NIF3L1: variants seen among roughly 807,000 people sequenced by gnomAD.
The protein encoded by NIF3L1 is NGG1 interacting factor 3 like 1.
In NIF3L1, 26 loss-of-function variants were observed where a neutral mutation model predicts 35.0. The ratio of observed to expected loss-of-function variants is 0.74; its 90% confidence interval spans 0.54 to 1.03. The LOEUF (loss-of-function observed/expected upper bound fraction) is 1.03. Among genes scored for constraint, NIF3L1 ranks in the 50% least tolerant of loss-of-function variants. The pLI, the probability that NIF3L1 is intolerant of heterozygous loss-of-function variation, is 0.00. For missense variants in NIF3L1, 449 were observed against 466.3 expected (o/e 0.96, Z 0.34); for synonymous variants, 157 against 178.9 (o/e 0.88, Z 0.98).
intron 6 of NIF3L1, among the ~76,000 whole-genome samples, chr2:200,902,779 A>C (rs1181527859): frequency 6.6e-6 from 1 of 152,226 alleles, no homozygotes; most frequent in Non-Finnish European, 1.5e-5. Context: ...ACAAAGCATA[A>C]GTCTGCTGGG....
rs188503864 is a variant in NIF3L1 at position 200,890,066 on chromosome 2, G to A, written c.-27+414G>A. On this transcript the variant is annotated intron_variant, in intron 1 of 6. Transcript: ENST00000409020. ...TGGAGTACTATGAGGACCATTAGAA[G>A]ATCTTTCAAGGCCGGACGCAGTGGC... 1.5e-4 allele frequency among the ~76,000 whole-genome samples: 23 copies of A among 152,270 alleles called. 1 individual carries two copies. The highest frequency in any genetic ancestry group is 5.3e-4 in the African/African-American group (22 of 41,570).
intron 4 of NIF3L1, among the ~76,000 whole-genome samples, chr2:200,895,830 CTT>C (rs1262660587): frequency 1.3e-5 from 2 of 152,080 alleles, no homozygotes; most frequent in African/African-American, 4.8e-5. Flanking sequence ...TGATTTCTAT[CTT>C]TACTTTTTGG....
chr2:200,890,954 CTTTTT>C (rs58191528), intron 1 of NIF3L1, among the ~76,000 whole-genome samples: 1 of 137,024 alleles, frequency 7.3e-6, no homozygotes, highest in Admixed American at 7.4e-5. Context: ...TTTAAACATT[CTTTTT>C]TTTTTTTTTT....
In NIF3L1 at chr2:200,892,074, C is replaced by T. The variant is rs144466763; in HGVS notation, c.131C>T (p.Ser44Leu). The T allele has an allele frequency of 4.8e-4, 777 of 1,614,192 alleles. 2 individuals are homozygous for T. The East Asian group carries it at 7.3e-3, about 15-fold the overall frequency. ...TCCTTGAATGACTTTGCATCCCTCT[C>T]GTTTGCTGAGAGTTGGGACAATGTT... ...LSSLNDFASL[S>L]FAESWDNVGL... The change falls in exon 2 of 7, where the codon TCG becomes TTG. Residue 44 changes from serine (S) to leucine (L), a missense_variant. By Grantham distance (145) the Ser-to-Leu change is moderately radical. Coordinates refer to ENST00000409020, the MANE Select transcript of NIF3L1 (RefSeq NM_001369441.2).
chr2:200,893,903 G>A (rs1205841930), intron 3 of NIF3L1, among the ~76,000 whole-genome samples: 1 of 151,966 alleles, frequency 6.6e-6, no homozygotes, highest in Admixed American at 6.6e-5. Flanking sequence ...GGCTGGGCAC[G>A]GTGGCTCACA....
Position 200,895,381 on chromosome 2 carries a change from A to G in NIF3L1, c.717A>G (p.Ser239=). The change falls in exon 4 of 7, where the codon TCA becomes TCG. Residue 239 remains serine, a synonymous_variant. Transcript: ENST00000409020. The part of the protein sequence containing the change: ...KQLYQKTEIL[S]LEKPLLLHTG... The stretch of plus-strand genomic sequence containing the variant: ...TTTATCAGAAGACGGAAATTCTGTC[A>G]CTGGAGAAGGTAATAAGAATATTTT... 9 of 1,614,022 alleles carry G rather than the reference A, an allele frequency of 5.6e-6. No homozygotes were observed. Among genetic ancestry groups the G allele is most frequent in the Non-Finnish European group, 6.8e-6 (8 of 1,179,904 alleles).
chr2:200,892,186 G>C lies in NIF3L1; in HGVS notation c.243G>C (p.Val81=). The C allele has an allele frequency of 6.2e-7, 1 of 1,614,206 alleles. No individual in the cohort carries two copies. Among genetic ancestry groups the C allele is most frequent in the Non-Finnish European group, 8.5e-7 (1 of 1,180,048 alleles). Residue 81 remains valine (V), a synonymous_variant, in exon 2 of 7, where the codon GTG becomes GTC. Transcript: ENST00000409020. ...TGACTGAGGAAGTGATGGAGGAGGT[G>C]CTGCAAAAGAAGGCAGACCTCATTC... ...NDLTEEVMEE[V]LQKKADLILS...
At chr2:200,889,918 T>C (rs1559347228) in intron 1 of NIF3L1, among the ~76,000 whole-genome samples, 1 of 152,204 alleles carries the variant, frequency 6.6e-6, no homozygotes, top group African/African-American at 2.4e-5. Flanking sequence ...CTGTTGTCGT[T>C]GTTGACTGTG....
chr2:200,896,166 G>A (rs1277722447), intron 4 of NIF3L1, among the ~76,000 whole-genome samples: 2 of 151,990 alleles, frequency 1.3e-5, no homozygotes, highest in Non-Finnish European at 2.9e-5. Flanking sequence ...TAGTCTCACC[G>A]AGCACCTAGG....
intron 3 of NIF3L1, among the ~76,000 whole-genome samples, chr2:200,894,045 A>G (rs200737187): frequency 6.6e-6 from 1 of 151,856 alleles, no homozygotes; most frequent in African/African-American, 2.4e-5. Flanking sequence ...GTAGTGGCGC[A>G]TGCCTGTAAT....
At position 200,899,356 on chromosome 2, in the gene NIF3L1, A is replaced by G. The variant is rs975728269; in HGVS notation, c.866-29A>G. 5.2e-6 allele frequency: 8 copies of G among 1,542,734 alleles called. No homozygotes were observed. The African/African-American group carries it at 1.1e-4, about 21-fold the overall frequency. On this transcript the variant is annotated intron_variant, in intron 5 of 6. Coordinates refer to ENST00000409020, the MANE Select transcript of NIF3L1 (RefSeq NM_001369441.2). ...GTAAAATGAAAGGGAATTGTAAAGT[A>G]TTGGTCTCTTGTTTCCTCTGTTTTG...
At chr2:200,893,500 AAT>A (rs2124881484) in intron 3 of NIF3L1, 92 bp downstream of exon 3, 1 of 1,245,374 alleles carries the variant, frequency 8.0e-7, no homozygotes, top group Non-Finnish European at 1.1e-6. Context: ...GCTTGAAACA[AAT>A]AGTTTTCTCT....
intron 4 of NIF3L1, among the ~76,000 whole-genome samples, chr2:200,896,599 T>C (rs1038417788): frequency 2.0e-5 from 3 of 152,194 alleles, no homozygotes; most frequent in Non-Finnish European, 2.9e-5. Context: ...ATTTTGTTTA[T>C]TTGAGACAGG....
intron 5 of NIF3L1, among the ~76,000 whole-genome samples, chr2:200,898,865 T>A (rs913367984): frequency 4.6e-5 from 7 of 152,200 alleles, no homozygotes; most frequent in African/African-American, 1.7e-4. Context: ...CTTCCTCACC[T>A]GAGAATAGAG....
intron 3 of NIF3L1, among the ~76,000 whole-genome samples, chr2:200,894,292 A>G (rs1393490878): frequency 6.6e-6 from 1 of 152,102 alleles, no homozygotes; most frequent in African/African-American, 2.4e-5. Context: ...TAAAATTATC[A>G]TCTCTAAGGC....
At chr2:200,892,496 T>A in intron 2 of NIF3L1, 117 bp downstream of exon 2, 1 of 693,802 alleles carries the variant, frequency 1.4e-6, no homozygotes, top group Non-Finnish European at 2.2e-6. Context: ...TCCATTTTTA[T>A]ATAATAATTT....
Position 200,892,239 on chromosome 2 carries a change from C to T in NIF3L1, c.296C>T (p.Pro99Leu). ...TCCTACCATCCGCCTATCTTCCGAC[C>T]CATGAAGCGCATAACCTGGAACACA... The part of the protein sequence containing the change: ...ILSYHPPIFR[P>L]MKRITWNTWK... The change falls in exon 2 of 7, where the codon CCC becomes CTC. Residue 99 changes from proline to leucine, a missense_variant. Coordinates refer to ENST00000409020, the MANE Select transcript of NIF3L1 (RefSeq NM_001369441.2). 1 of 1,614,168 alleles carries T rather than the reference C, an allele frequency of 6.2e-7. No homozygotes were observed. Among genetic ancestry groups the T allele is most frequent in the Non-Finnish European group, 8.5e-7 (1 of 1,180,038 alleles).
chr2:200,891,952 AT>A lies in NIF3L1; in HGVS notation c.10del (p.Ser4LeufsTer13). The A allele has an allele frequency of 6.2e-7, 1 of 1,604,236 alleles. No homozygotes were observed. On this transcript the variant is annotated frameshift_variant, in exon 2 of 7. Coordinates refer to ENST00000409020, the MANE Select transcript of NIF3L1 (RefSeq NM_001369441.2). LOFTEE classifies it high-confidence loss of function. ...CTTTACCTGATTTCTGTATGTTGTC[AT>A]CTTGCGTACGCCCAGTCCCCACGAC... Reference protein sequence around the residue: MLSSCVRPVPTTVR... With the variant: MLSXCVRPVPTTVR...
intron 1 of NIF3L1, among the ~76,000 whole-genome samples, chr2:200,890,075 A>T (rs1280667692): frequency 6.6e-6 from 1 of 152,206 alleles, no homozygotes; most frequent in African/African-American, 2.4e-5. Context: ...AGATCTTTCA[A>T]GGCCGGACGC....
Sources: gnomAD v4.1 joint callset for allele counts (sites outside exome capture counted in the v4.1 genomes callset) on GRCh38, gnomAD v4.1.1 for gene constraint, MANE v1.5 for transcripts, NCBI Gene and HGNC (gene_info 2026-07-23, HGNC 2026-07-21) for gene names.